The following CCDC149 variants were observed in gnomAD, a reference collection of about 807,000 sequenced individuals.
CCDC149 encodes the protein coiled-coil domain containing 149, also known as coiled-coil domain-containing protein 149.
A neutral mutation model predicts 59.9 loss-of-function variants in CCDC149; 45 were observed. The ratio of observed to expected loss-of-function variants is 0.75; its 90% CI spans 0.59 to 0.96. The LOEUF is 0.96. Ranked by LOEUF, CCDC149 falls within the 40% of genes least tolerant of loss-of-function variation. CCDC149 has a pLI of 0.00. For missense variants in CCDC149, 584 were observed against 664.7 expected, an observed-to-expected ratio of 0.88 and a Z score of 1.33; for synonymous variants, 245 against 260.6, an observed-to-expected ratio of 0.94 and a Z score of 0.58.
At chr4:24,852,311 C>T (rs1173781254) in intron 4 of CCDC149, among the ~76,000 whole-genome samples, 2 of 151,548 alleles carry the variant, frequency 1.3e-5, no homozygotes, top group Non-Finnish European at 2.9e-5. Context: ...CACACACACA[C>T]ACACACACAC....
chr4:24,979,763 G>A (rs576845107), intron 1 of CCDC149, among the ~76,000 whole-genome samples: 1 of 152,104 alleles, frequency 6.6e-6, no homozygotes, highest in East Asian at 1.9e-4. Context: ...TGTGACCCAG[G>A]GACCATTACA....
At chr4:24,862,358 C>A (rs1453936570) in intron 3 of CCDC149, among the ~76,000 whole-genome samples, 1 of 152,130 alleles carries the variant, frequency 6.6e-6, no homozygotes, top group Non-Finnish European at 1.5e-5. Flanking sequence ...ACTTTGAGGC[C>A]GCCTCTGGAT....
At chr4:24,843,594 T>G (rs1414764867) in intron 4 of CCDC149, among the ~76,000 whole-genome samples, 1 of 152,166 alleles carries the variant, frequency 6.6e-6, no homozygotes, top group East Asian at 1.9e-4. Context: ...CAGTTTTAGT[T>G]TCAAACAAAA....
chr4:24,956,800 C>T (rs938986412), intron 1 of CCDC149, among the ~76,000 whole-genome samples: 3 of 152,274 alleles, frequency 2.0e-5, no homozygotes, highest in East Asian at 1.9e-4. Context: ...AGAAACTTGG[C>T]GGGTCTCTTT....
chr4:24,831,618 T>C lies in CCDC149; in HGVS notation c.853A>G (p.Ser285Gly), dbSNP rs1034853462. Residue 285 changes from serine (S) to glycine (G), a missense_variant, in exon 9 of 13, where the codon AGC (serine) becomes GGC (glycine). Physicochemically the swap from Ser to Gly is moderately conservative, Grantham distance 56. Coordinates refer to ENST00000635206, the MANE Select transcript of CCDC149 (RefSeq NM_001330643.2). ...ATGGACTGCGGAGTAGCTGGGAGGC[T>C]GCATCCATGATCCTCAGATAGCAGA... 1.2e-6 allele frequency: 2 copies of C among 1,613,972 alleles called. No individual in the cohort carries two copies. The highest frequency in any genetic ancestry group is 2.7e-5 in the African/African-American group (2 of 74,896).
upstream of CCDC149, among the ~76,000 whole-genome samples, chr4:24,915,911 C>T (rs1722109647): frequency 6.6e-6 from 1 of 152,220 alleles, no homozygotes; most frequent in African/African-American, 2.4e-5. Context: ...GGCCTCTAGA[C>T]ACCTCATCAA....
chr4:24,901,755 A>T (rs1284892812), intron 1 of CCDC149, among the ~76,000 whole-genome samples: 1 of 152,044 alleles, frequency 6.6e-6, no homozygotes, highest in African/African-American at 2.4e-5. Context: ...CACCAAACTC[A>T]TATCTCCTAA....
intron 4 of CCDC149, among the ~76,000 whole-genome samples, chr4:24,845,639 C>T (rs773738896): frequency 2.0e-5 from 3 of 152,184 alleles, no homozygotes; most frequent in Non-Finnish European, 2.9e-5. Context: ...TCCACTAGAA[C>T]GAAACTCCCA....
chr4:24,971,812 T>C lies in CCDC149; in HGVS notation c.-65+8257A>G, dbSNP rs1577514221. Among the ~76,000 whole-genome samples, 3 of 152,250 alleles carry C rather than the reference T, an allele frequency of 2.0e-5. No homozygotes were observed. In the South Asian group the frequency reaches 6.2e-4, roughly 31 times the overall value. On this transcript the variant is annotated intron_variant, in intron 1 of 12. Coordinates refer to the CCDC149 transcript ENST00000389609. ...GATAGAACAGACTCTTTAAGTCTGA[T>C]AAGAAACATTTACAATCTATTATCT...
At chr4:24,945,080 C>T (rs142924685) in intron 1 of CCDC149, among the ~76,000 whole-genome samples, 4 of 152,276 alleles carry the variant, frequency 2.6e-5, no homozygotes, top group South Asian at 4.1e-4. Flanking sequence ...TCCAAATCCC[C>T]GAATGGGCTT....
At chr4:24,918,187 C>G (rs1304862946) in intron 1 of CCDC149, among the ~76,000 whole-genome samples, 1 of 152,062 alleles carries the variant, frequency 6.6e-6, no homozygotes, top group African/African-American at 2.4e-5. Context: ...TAAACATGAT[C>G]AAGGACCTAC....
chr4:24,963,797 C>T (rs1723715857), intron 1 of CCDC149, among the ~76,000 whole-genome samples: 1 of 152,180 alleles, frequency 6.6e-6, no homozygotes, highest in South Asian at 2.1e-4. Context: ...CATGAAAATG[C>T]TTTAACAAGC....
At chr4:24,821,652 T>C (rs1400266986) in intron 10 of CCDC149, among the ~76,000 whole-genome samples, 1 of 152,222 alleles carries the variant, frequency 6.6e-6, no homozygotes, top group Non-Finnish European at 1.5e-5. Context: ...ATCCATATGA[T>C]TCAAGGATGA....
chr4:24,963,302 C>T (rs1477957241), intron 1 of CCDC149, among the ~76,000 whole-genome samples: 1 of 105,064 alleles, frequency 9.5e-6, no homozygotes, highest in African/African-American at 5.3e-5. Context: ...CCACTCCCCA[C>T]CTGGCCAAAG....
intron 3 of CCDC149, among the ~76,000 whole-genome samples, chr4:24,869,660 C>T (rs1718909943): frequency 6.6e-6 from 1 of 152,164 alleles, no homozygotes; most frequent in Admixed American, 6.5e-5. Context: ...GTGCCAGGCA[C>T]TGCACATTGA....
intron 4 of CCDC149, among the ~76,000 whole-genome samples, chr4:24,852,580 T>C (rs922923714): frequency 6.6e-6 from 1 of 152,112 alleles, no homozygotes; most frequent in Admixed American, 6.6e-5. Flanking sequence ...ACAGGGGAGT[T>C]TGATTAATAC....
At chr4:24,842,540 C>T (rs140063505) in intron 4 of CCDC149, among the ~76,000 whole-genome samples, 4 of 152,304 alleles carry the variant, frequency 2.6e-5, no homozygotes, top group African/African-American at 7.2e-5. Flanking sequence ...GCACAGCACC[C>T]GCGCCGCCAC....
intron 1 of CCDC149, among the ~76,000 whole-genome samples, chr4:24,933,545 T>C (rs1722655002): frequency 6.6e-6 from 1 of 152,218 alleles, no homozygotes; most frequent in African/African-American, 2.4e-5. Context: ...ATTTATTTTA[T>C]TCAAGAAATA....
intron 4 of CCDC149, among the ~76,000 whole-genome samples, chr4:24,843,266 A>T (rs1717050014): frequency 1.3e-5 from 2 of 152,226 alleles, no homozygotes; most frequent in Non-Finnish European, 2.9e-5. Context: ...AAGAATCATT[A>T]ACAGGAAGTG....
Sources: allele counts gnomAD v4.1 joint callset (sites outside exome capture counted in the v4.1 genomes callset), GRCh38; gene constraint gnomAD v4.1.1; transcripts MANE v1.5; gene names NCBI Gene and HGNC (gene_info 2026-07-23, HGNC 2026-07-21).